CACNA1C: variants seen among roughly 807,000 people sequenced by gnomAD.
CACNA1C encodes the protein voltage-dependent L-type calcium channel subunit alpha-1C.
CACNA1C carries 30 observed loss-of-function variants against 229.0 expected under a neutral mutation model. The observed-to-expected ratio is 0.13, with a 90% CI of 0.10 to 0.18. CACNA1C has a LOEUF of 0.18. CACNA1C is among the 10% of genes least tolerant of loss of function. The pLI is 1.00. For synonymous variants in CACNA1C, 1,114 were observed against 1,132.5 expected, an observed-to-expected ratio of 0.98 and a Z score of 0.33; for missense variants, 1,658 against 2,845.0, an observed-to-expected ratio of 0.58 and a Z score of 9.49.
At chr12:2,041,244 T>TG (rs1318228063) in intron 1 of CACNA1C, among the ~76,000 whole-genome samples, 6 of 149,854 alleles carry the variant, frequency 4.0e-5, no homozygotes, top group African/African-American at 1.5e-4. Flanking sequence ...TAGGGGTGTG[T>TG]GGGTCACAGT....
chr12:2,057,585 CA>C, intron 1 of CACNA1C, among the ~76,000 whole-genome samples: 1 of 152,190 alleles, frequency 6.6e-6, no homozygotes, highest in East Asian at 1.9e-4. Flanking sequence ...GCCCTCGCGG[CA>C]TCACTGAGGG....
intron 3 of CACNA1C, among the ~76,000 whole-genome samples, chr12:2,412,298 C>T (rs1355318206): frequency 1.3e-5 from 2 of 152,224 alleles, no homozygotes; most frequent in African/African-American, 4.8e-5. Flanking sequence ...GCCTCGATAA[C>T]CTCAGACCTG....
Position 2,285,426 on chromosome 12 carries a change from G to A in CACNA1C, c.478-163550G>A, listed in dbSNP as rs1312409076. Among the ~76,000 whole-genome samples the A allele has an allele frequency of 6.6e-6, 1 of 152,196 alleles. No individual in the cohort carries two copies. The highest frequency in any genetic ancestry group is 2.4e-5 in the African/African-American group (1 of 41,452). ...GGCTGGAACCACTTGTGAAGGTGAC[G>A]TAGGGCTGCAGGGAGAGCCCAGGTA... On this transcript the variant is annotated intron_variant, in intron 3 of 46. Transcript: ENST00000399655. This position sits in a 1 kb window ranked among gnomAD's most constrained non-coding sequence, Gnocchi z 4.2.
chr12:2,040,872 G>A (rs1204779939), intron 1 of CACNA1C, among the ~76,000 whole-genome samples: 2 of 152,214 alleles, frequency 1.3e-5, no homozygotes, highest in Admixed American at 1.3e-4. Flanking sequence ...CTTGGTTTAT[G>A]GTTGAGGGAA....
At chr12:2,187,966 A>G (rs565835668) in intron 3 of CACNA1C, among the ~76,000 whole-genome samples, 1 of 152,360 alleles carries the variant, frequency 6.6e-6, no homozygotes, top group African/African-American at 2.4e-5. Flanking sequence ...TATTGGCCAC[A>G]GGTTGGGAGC....
At chr12:2,049,655 C>G (rs1243035349), upstream of CACNA1C, among the ~76,000 whole-genome samples, 2 of 152,190 alleles carry the variant, frequency 1.3e-5, no homozygotes, top group African/African-American at 4.8e-5. Context: ...GAGAAAAAGG[C>G]TCATGCAAAT....
intron 9 of CACNA1C, among the ~76,000 whole-genome samples, chr12:2,532,828 G>A (rs1409201128): frequency 6.6e-6 from 1 of 152,156 alleles, no homozygotes; most frequent in Non-Finnish European, 1.5e-5. Context: ...CCAGGCAGTC[G>A]GGCCCAGGTG....
At chr12:2,097,362 A>G (rs10848613) in intron 1 of CACNA1C, among the ~76,000 whole-genome samples, 35,467 of 151,690 alleles carry the variant, frequency 0.23, 4,253 homozygotes, top group South Asian at 0.3. Context: ...TAGCCAGGAT[A>G]GTCTCGATCT....
At chr12:2,392,331 C>T (rs1320648965) in intron 3 of CACNA1C, among the ~76,000 whole-genome samples, 3 of 152,182 alleles carry the variant, frequency 2.0e-5, no homozygotes, top group African/African-American at 7.2e-5. Flanking sequence ...ACAGTAACTT[C>T]ATTTTTCTAT....
chr12:2,264,490 G>A (rs1420642491), intron 3 of CACNA1C, among the ~76,000 whole-genome samples: 3 of 152,224 alleles, frequency 2.0e-5, no homozygotes, highest in Middle Eastern at 3.2e-3. Flanking sequence ...ACTTGTCCAA[G>A]TTAGAAGCTT....
intron 3 of CACNA1C, among the ~76,000 whole-genome samples, chr12:2,157,496 T>G (rs554991903): frequency 1.0e-3 from 155 of 152,352 alleles, no homozygotes; most frequent in African/African-American, 3.6e-3. Flanking sequence ...CCACTTGCTC[T>G]CAGAGTGCTG....
rs1431805162 is a variant in CACNA1C at position 2,680,296 on chromosome 12, G to A, written c.5444+500G>A. On this transcript the variant is annotated intron_variant, in intron 42 of 46. Coordinates refer to ENST00000399655, the MANE Select transcript of CACNA1C (RefSeq NM_000719.7). ...TGCCCAGCACAGGATCATTCCTGGA[G>A]GTCTTGACTGTACCTCTTACTCCTG... 1.1e-5 allele frequency: 13 copies of A among 1,194,630 alleles called. No individual in the cohort carries two copies. In the Admixed American group the frequency reaches 1.8e-4, roughly 16 times the overall value. 74.0% of individuals were successfully genotyped at this position (1,194,630 alleles called of 1,614,324 possible).
rs1448216680 is a variant in CACNA1C at position 2,681,908 on chromosome 12, C to G, written c.5445-642C>G. 5.5e-6 allele frequency: 6 copies of G among 1,095,300 alleles called. No homozygotes were observed. The Admixed American group carries it at 1.0e-4, about 18-fold the overall frequency. 67.8% of individuals were successfully genotyped at this position (1,095,300 alleles called of 1,614,324 possible). On this transcript the variant is annotated intron_variant, in intron 42 of 46. Coordinates refer to ENST00000399655, the MANE Select transcript of CACNA1C (RefSeq NM_000719.7). Reference sequence around the variant, plus strand: ...GAGCTCAGACAGGAAAAGGAAGAGGCCTTGGTCCAGAGCTAAAGATGACCT... The same window carrying G: ...GAGCTCAGACAGGAAAAGGAAGAGGGCTTGGTCCAGAGCTAAAGATGACCT...
intron 3 of CACNA1C, among the ~76,000 whole-genome samples, chr12:2,328,055 G>A (rs1365306357): frequency 2.0e-5 from 3 of 152,226 alleles, no homozygotes; most frequent in Non-Finnish European, 4.4e-5. Context: ...TGCAGAGGAA[G>A]ATTTTGATAG....
At position 2,512,978 on chromosome 12, in the gene CACNA1C, C is replaced by T. The variant is rs761430418; in HGVS notation, c.1384C>T (p.Arg462Ter). The change falls in exon 9 of 47, where the codon CGA (arginine) becomes TGA (stop). Residue 462 changes from arginine (R) to a stop codon, truncating the protein, a stop_gained. Coordinates refer to ENST00000399655, the MANE Select transcript of CACNA1C (RefSeq NM_000719.7). LOFTEE classifies it high-confidence loss of function. The surrounding 1 kb of genome is among the most constrained non-coding windows in gnomAD (Gnocchi z 4.3). ...EDEGMDEEKP[R>*]NMSMPTSETE... ...CGAAGGCATGGATGAGGAGAAGCCC[C>T]GAAACAGTGAGCAGCCGTCTTCTTC... 2 of 1,600,316 alleles carry T rather than the reference C, an allele frequency of 1.2e-6. No individual in the cohort carries two copies. The highest frequency in any genetic ancestry group is 1.7e-6 in the Non-Finnish European group (2 of 1,173,372).
Position 2,691,423 on chromosome 12 carries a change from G to A in CACNA1C, c.*224G>A, listed in dbSNP as rs1190446350. 3 of 436,180 alleles carry A rather than the reference G, an allele frequency of 6.9e-6. No homozygotes were observed. Among genetic ancestry groups the A allele is most frequent in the Non-Finnish European group, 7.7e-6 (2 of 261,140 alleles). 27.0% of individuals were successfully genotyped at this position (436,180 alleles called of 1,614,324 possible). On this transcript the variant is annotated 3_prime_UTR_variant, in exon 47 of 47. Coordinates refer to ENST00000399655, the MANE Select transcript of CACNA1C (RefSeq NM_000719.7). ...GGGAGAGGAGGCGGCGAGGGTCCCG[G>A]GGCGCGAGGAAGGCGCCTGCCCTCT...
In CACNA1C at chr12:2,201,069, G is replaced by A. The variant is rs140676882; in HGVS notation, c.477+80639G>A. 2.2e-3 allele frequency among the ~76,000 whole-genome samples: 342 copies of A among 152,290 alleles called. 1 individual carries two copies. Among genetic ancestry groups the A allele is most frequent in the African/African-American group, 7.7e-3 (321 of 41,558 alleles). ...AAAACGTATTTTTCTAGACTTCAGA[G>A]TTCCTTAAGAGTGGTGGTTTATCTT... is the stretch of plus-strand genomic sequence containing the variant. On this transcript the variant is annotated intron_variant, in intron 3 of 46. Transcript: ENST00000399655.
intron 1 of CACNA1C, among the ~76,000 whole-genome samples, chr12:2,076,412 T>C (rs1336847672): frequency 2.0e-5 from 3 of 152,110 alleles, no homozygotes; most frequent in Non-Finnish European, 4.4e-5. Flanking sequence ...CACATACAGC[T>C]CAGTGGCCAC....
At chr12:2,119,261 G>A (rs1483751040) in intron 2 of CACNA1C, among the ~76,000 whole-genome samples, 1 of 152,174 alleles carries the variant, frequency 6.6e-6, no homozygotes, top group African/African-American at 2.4e-5. Flanking sequence ...GAGAATTATG[G>A]TGGTCCCTTC....
Sources: allele counts gnomAD v4.1 joint callset (sites outside exome capture counted in the v4.1 genomes callset), GRCh38; gene constraint gnomAD v4.1.1; non-coding constraint Gnocchi (gnomAD v3.1); transcripts MANE v1.5; gene names NCBI Gene and HGNC (gene_info 2026-07-23, HGNC 2026-07-21).